The following GRIK1 variants were observed in gnomAD, a reference collection of about 807,000 sequenced individuals.
GRIK1 encodes the protein glutamate receptor ionotropic, kainate 1.
A neutral mutation model predicts 105.7 loss-of-function variants in GRIK1; 69 were observed. The observed-to-expected ratio is 0.65, with a 90% CI of 0.54 to 0.80. GRIK1 has a LOEUF of 0.80. GRIK1 is among the 30% of genes least tolerant of loss of function. The pLI, the probability that GRIK1 is intolerant of heterozygous loss-of-function variation, is 0.00. For missense variants in GRIK1, 1,109 were observed against 1,167.3 expected (o/e 0.95, Z 0.73); for synonymous variants, 438 against 431.3 (o/e 1.02, Z -0.19).
intron 3 of GRIK1, among the ~76,000 whole-genome samples, chr21:29,678,275 C>T (rs568039513): frequency 6.6e-6 from 1 of 152,076 alleles, no homozygotes; most frequent in South Asian, 2.1e-4. Flanking sequence ...AAAATGAAAA[C>T]GGGTATGTGA....
At chr21:29,769,594 G>T (rs777995877) in intron 1 of GRIK1, among the ~76,000 whole-genome samples, 1 of 152,132 alleles carries the variant, frequency 6.6e-6, no homozygotes, top group Non-Finnish European at 1.5e-5. Context: ...CCGCTGATCT[G>T]ACAAGAGGCG....
chr21:29,612,601 A>C (rs1211839304), intron 7 of GRIK1, among the ~76,000 whole-genome samples: 2 of 152,242 alleles, frequency 1.3e-5, no homozygotes, highest in African/African-American at 4.8e-5. Flanking sequence ...GTATTCTGAG[A>C]TATCAATGAT....
chr21:29,700,193 T>C (rs908295838), intron 1 of GRIK1, among the ~76,000 whole-genome samples: 3 of 152,172 alleles, frequency 2.0e-5, no homozygotes, highest in African/African-American at 7.2e-5. Flanking sequence ...ACGTAGGCAG[T>C]TGTGTTTTGT....
rs568500177 is a variant in GRIK1 at position 29,670,664 on chromosome 21, T to C, written c.726+2319A>G. Among the ~76,000 whole-genome samples the C allele has an allele frequency of 7.9e-5, 12 of 152,340 alleles. No homozygotes were observed. In the East Asian group the frequency reaches 2.3e-3, roughly 29 times the overall value. ...ATTCTCTTAAATGTAACAGAAGTCC[T>C]CAGCCTCTGTTACAACAGGCCCCTG... is the stretch of plus-strand genomic sequence containing the variant. On this transcript the variant is annotated intron_variant, in intron 4 of 17. Transcript: ENST00000327783.
chr21:29,922,227 G>A (rs2071217055), intron 1 of GRIK1, among the ~76,000 whole-genome samples: 4 of 152,034 alleles, frequency 2.6e-5, no homozygotes, highest in Admixed American at 2.6e-4. Context: ...TGAAGATATG[G>A]TATATAAACC....
At chr21:29,702,765 A>G (rs2063836871) in intron 1 of GRIK1, among the ~76,000 whole-genome samples, 1 of 152,198 alleles carries the variant, frequency 6.6e-6, no homozygotes. Flanking sequence ...TGATGCAGCC[A>G]GAAGCCAAGG....
intron 2 of GRIK1, among the ~76,000 whole-genome samples, chr21:29,693,209 A>G (rs1209312714): frequency 6.6e-6 from 1 of 152,194 alleles, no homozygotes; most frequent in Non-Finnish European, 1.5e-5. Context: ...ACCCTCAACT[A>G]TGTGATCTTA....
At chr21:29,845,023 TTA>T (rs1343996757) in intron 1 of GRIK1, among the ~76,000 whole-genome samples, 3 of 152,168 alleles carry the variant, frequency 2.0e-5, no homozygotes, top group Non-Finnish European at 4.4e-5. Flanking sequence ...CAAAGGATAT[TTA>T]TATTATTCCT....
At chr21:29,633,797 C>A (rs1005245026) in intron 7 of GRIK1, among the ~76,000 whole-genome samples, 1 of 152,136 alleles carries the variant, frequency 6.6e-6, no homozygotes, top group African/African-American at 2.4e-5. Context: ...ACAGTGAAGA[C>A]TAGCTAGGGA....
At chr21:29,640,087 C>G (rs180713061) in intron 7 of GRIK1, among the ~76,000 whole-genome samples, 71 of 151,376 alleles carry the variant, frequency 4.7e-4, no homozygotes, top group African/African-American at 1.7e-3. Context: ...TAAATTCAAT[C>G]TGCTGACTTG....
intron 1 of GRIK1, among the ~76,000 whole-genome samples, chr21:29,706,749 C>G (rs1039983043): frequency 6.6e-6 from 1 of 152,174 alleles, no homozygotes; most frequent in East Asian, 1.9e-4. Context: ...CAAATAAGAA[C>G]TTTTGGAAAT....
At chr21:29,829,385 G>T (rs548618214) in intron 1 of GRIK1, among the ~76,000 whole-genome samples, 1 of 152,112 alleles carries the variant, frequency 6.6e-6, no homozygotes. Flanking sequence ...TCATAGTCAG[G>T]TGTAATATTT....
At chr21:29,893,998 T>TTA (rs374666784) in intron 1 of GRIK1, among the ~76,000 whole-genome samples, 51 of 152,216 alleles carry the variant, frequency 3.4e-4, no homozygotes, top group African/African-American at 1.2e-3. Context: ...GGGCAGGTGC[T>TTA]AGGTTAGAGA....
rs141016280 is a variant in GRIK1 at position 29,743,506 on chromosome 21, G to A, written c.119-49443C>T. 3.6e-3 allele frequency among the ~76,000 whole-genome samples: 543 copies of A among 152,070 alleles called. 3 individuals carry two copies. Among genetic ancestry groups the A allele is most frequent in the African/African-American group, 0.013 (524 of 41,502 alleles). On this transcript the variant is annotated intron_variant, in intron 1 of 17. Transcript: ENST00000327783. The stretch of plus-strand genomic sequence containing the variant: ...AGGTTAGGAGTTCGAGACTAGCCTG[G>A]CCAACATAGTGAAACTCCGTCTGTA...
At chr21:29,593,171 T>C (rs191833851) in intron 9 of GRIK1, among the ~76,000 whole-genome samples, 34 of 152,298 alleles carry the variant, frequency 2.2e-4, no homozygotes, top group African/African-American at 6.3e-4. Flanking sequence ...TGAGGGTTAG[T>C]TGACTGGAGA....
At chr21:29,855,396 T>C (rs2068433621) in intron 1 of GRIK1, among the ~76,000 whole-genome samples, 1 of 152,188 alleles carries the variant, frequency 6.6e-6, no homozygotes, top group African/African-American at 2.4e-5. Context: ...AGAGTGATAT[T>C]TAAGCTGAGA....
intron 11 of GRIK1, 79 bp downstream of exon 11, chr21:29,588,760 A>G (rs1422420553): frequency 1.6e-5 from 13 of 838,442 alleles, no homozygotes; most frequent in Middle Eastern, 2.3e-4. Context: ...AAAAGGAAAC[A>G]TTTCTTCTGA....
chr21:29,605,891 A>G lies in GRIK1; in HGVS notation c.1099-6954T>C, dbSNP rs1340467854. Among the ~76,000 whole-genome samples the G allele has an allele frequency of 2.0e-5, 3 of 152,100 alleles. No individual in the cohort carries two copies. In the East Asian group the frequency reaches 5.8e-4, roughly 29 times the overall value. On this transcript the variant is annotated intron_variant, in intron 7 of 17. Coordinates refer to ENST00000327783, the MANE Select transcript of GRIK1 (RefSeq NM_001330994.2). ...GGAAACTATGTTTTCTTCTGAGAAC[A>G]TTGTGTATGGAAGGCTCATGGCAAA...
intron 16 of GRIK1, among the ~76,000 whole-genome samples, chr21:29,542,399 C>T (rs969882877): frequency 6.6e-6 from 1 of 151,928 alleles, no homozygotes; most frequent in Admixed American, 6.6e-5. Context: ...CTTCTCTTTA[C>T]ACCTTTATCC....
Sources: allele counts gnomAD v4.1 joint callset (sites outside exome capture counted in the v4.1 genomes callset), GRCh38; gene constraint gnomAD v4.1.1; transcripts MANE v1.5; gene names NCBI Gene and HGNC (gene_info 2026-07-23, HGNC 2026-07-21).